SLC24A3: variants seen among roughly 807,000 people sequenced by gnomAD.
SLC24A3 encodes the protein solute carrier family 24 member 3, also known as sodium/potassium/calcium exchanger 3.
A neutral mutation model predicts 75.8 loss-of-function variants in SLC24A3; 28 were observed. The observed-to-expected ratio is 0.37, with a 90% confidence interval of 0.27 to 0.51. SLC24A3 has a LOEUF of 0.51. Ranked by LOEUF, SLC24A3 falls within the 20% of genes least tolerant of loss-of-function variation. The pLI is 0.94. For missense variants in SLC24A3, 663 were observed against 847.8 expected, an observed-to-expected ratio of 0.78 and a Z score of 2.71; for synonymous variants, 372 against 334.1, an observed-to-expected ratio of 1.11 and a Z score of -1.24.
At chr20:19,270,626 T>G (rs760314637) in intron 1 of SLC24A3, among the ~76,000 whole-genome samples, 3 of 152,192 alleles carry the variant, frequency 2.0e-5, no homozygotes, top group Non-Finnish European at 4.4e-5. Flanking sequence ...TCTTGGGATT[T>G]GGTGGATGTA....
chr20:19,592,291 A>T (rs1399337128), intron 6 of SLC24A3, among the ~76,000 whole-genome samples: 2 of 152,108 alleles, frequency 1.3e-5, no homozygotes, highest in Non-Finnish European at 2.9e-5. Flanking sequence ...CCCATTTGTT[A>T]GTCAGGGGTT....
At chr20:19,480,745 G>A (rs1988039730) in intron 2 of SLC24A3, among the ~76,000 whole-genome samples, 1 of 152,124 alleles carries the variant, frequency 6.6e-6, no homozygotes, top group Non-Finnish European at 1.5e-5. Context: ...AAGACCAGTT[G>A]GCTTATCTGA....
intron 1 of SLC24A3, among the ~76,000 whole-genome samples, chr20:19,258,471 T>C (rs6514982): frequency 0.19 from 29,595 of 152,124 alleles, 2,952 homozygotes; most frequent in Middle Eastern, 0.27. Context: ...TTTGGGAGGC[T>C]GAGGTGGGCG....
At chr20:19,234,416 A>C (rs1982108320) in intron 1 of SLC24A3, among the ~76,000 whole-genome samples, 1 of 152,254 alleles carries the variant, frequency 6.6e-6, no homozygotes, top group African/African-American at 2.4e-5. Context: ...GCACGTGGTC[A>C]CACACTCAAG....
chr20:19,291,584 T>C (rs1983942925), intron 2 of SLC24A3, among the ~76,000 whole-genome samples: 1 of 152,228 alleles, frequency 6.6e-6, no homozygotes, highest in South Asian at 2.1e-4. Context: ...AGAGTGTGAC[T>C]CCCATTTCTT....
chr20:19,596,466 T>C (rs2031454688), intron 6 of SLC24A3, among the ~76,000 whole-genome samples: 1 of 152,226 alleles, frequency 6.6e-6, no homozygotes, highest in Non-Finnish European at 1.5e-5. Flanking sequence ...GGAGCTTGTG[T>C]TCAGAAAGTA....
chr20:19,385,271 A>G (rs904892134), intron 2 of SLC24A3, among the ~76,000 whole-genome samples: 1 of 152,226 alleles, frequency 6.6e-6, no homozygotes, highest in Non-Finnish European at 1.5e-5. Context: ...TAGTAGTTTT[A>G]AAACAGTTTC....
intron 2 of SLC24A3, among the ~76,000 whole-genome samples, chr20:19,505,389 G>A (rs879556504): frequency 5.3e-5 from 8 of 152,188 alleles, no homozygotes; most frequent in Non-Finnish European, 1.2e-4. Context: ...ATGTGTTTAA[G>A]TTCTTTTCTG....
chr20:19,447,822 A>AATTTCTGGG (rs1439653152), intron 2 of SLC24A3, among the ~76,000 whole-genome samples: 1 of 152,196 alleles, frequency 6.6e-6, no homozygotes, highest in Non-Finnish European at 1.5e-5. Context: ...GGGACTCCTT[A>AATTTCTGGG]GTGAACTTAA....
chr20:19,467,004 A>C lies in SLC24A3; in HGVS notation c.272-48484A>C, dbSNP rs1460144325. ...ATACAGGCACTAGGTAAGAAAACAA[A>C]TAATCGAGGTAATGACAGTACAGGG... On this transcript the variant is annotated intron_variant, in intron 2 of 16. Coordinates refer to ENST00000328041, the MANE Select transcript of SLC24A3 (RefSeq NM_020689.4). Among the ~76,000 whole-genome samples, 7 of 152,358 alleles carry C rather than the reference A, an allele frequency of 4.6e-5. No individual in the cohort carries two copies. In the East Asian group the frequency reaches 1.3e-3, roughly 29 times the overall value.
At chr20:19,535,325 T>G (rs2030376560) in intron 3 of SLC24A3, among the ~76,000 whole-genome samples, 1 of 152,248 alleles carries the variant, frequency 6.6e-6, no homozygotes, top group Non-Finnish European at 1.5e-5. Context: ...TTTCTCATGT[T>G]TCTGTAGTCA....
intron 12 of SLC24A3, among the ~76,000 whole-genome samples, chr20:19,686,416 C>G (rs2032675954): frequency 6.6e-6 from 1 of 152,198 alleles, no homozygotes; most frequent in Non-Finnish European, 1.5e-5. Flanking sequence ...GCAGGTGGTC[C>G]AAGCCCAAAG....
At chr20:19,265,717 G>C (rs1258406345) in intron 1 of SLC24A3, 2 of 152,622 alleles carry the variant, frequency 1.3e-5, no homozygotes, top group African/African-American at 4.8e-5. Flanking sequence ...CTGTCCTTTG[G>C]TCTGACTGTA....
intron 2 of SLC24A3, among the ~76,000 whole-genome samples, chr20:19,444,403 A>T (rs1380994628): frequency 1.3e-5 from 2 of 152,202 alleles, no homozygotes; most frequent in African/African-American, 4.8e-5. Flanking sequence ...TACAGAATTG[A>T]TGTAATTTCT....
intron 15 of SLC24A3, among the ~76,000 whole-genome samples, chr20:19,715,964 A>G (rs1444319200): frequency 3.3e-5 from 5 of 152,212 alleles, no homozygotes; most frequent in African/African-American, 1.2e-4. Flanking sequence ...GAATGTCAAG[A>G]TCCCTTCCAC....
chr20:19,658,450 T>C (rs1037259488), intron 7 of SLC24A3, among the ~76,000 whole-genome samples: 3 of 152,222 alleles, frequency 2.0e-5, no homozygotes, highest in African/African-American at 4.8e-5. Context: ...GGCGATCCAC[T>C]TCCCTATTCG....
intron 6 of SLC24A3, among the ~76,000 whole-genome samples, chr20:19,606,219 T>C (rs1886924): frequency 0.53 from 80,476 of 152,018 alleles, 22,574 homozygotes; most frequent in Admixed American, 0.62. Context: ...CATGTGAACA[T>C]ACCACTCGCC....
In SLC24A3 at chr20:19,684,172, C is replaced by T. The variant is rs1270657300; in HGVS notation, c.902-4C>T. On this transcript the variant is annotated splice_polypyrimidine_tract_variant and splice_region_variant and intron_variant, in intron 10 of 16. Transcript: ENST00000328041. Reference sequence around the variant, plus strand: ...ATTTTACCTTATGTTTTTCGTTTCCCTAGCAAATTTCCACCGCAAAGCATC... The same window carrying T: ...ATTTTACCTTATGTTTTTCGTTTCCTTAGCAAATTTCCACCGCAAAGCATC... The T allele has an allele frequency of 1.2e-6, 2 of 1,610,748 alleles. No homozygotes were observed. The highest frequency in any genetic ancestry group is 1.7e-6 in the Non-Finnish European group (2 of 1,177,710).
At chr20:19,631,815 T>TGTGTGTGTGC (rs1156489864) in intron 6 of SLC24A3, among the ~76,000 whole-genome samples, 1 of 151,784 alleles carries the variant, frequency 6.6e-6, no homozygotes, top group East Asian at 1.9e-4. Flanking sequence ...TGTGTGTGTG[T>TGTGTGTGTGC]GTGTGTGTAT....
Sources: allele counts gnomAD v4.1 joint callset (sites outside exome capture counted in the v4.1 genomes callset), GRCh38; gene constraint gnomAD v4.1.1; transcripts MANE v1.5; gene names NCBI Gene and HGNC (gene_info 2026-07-23, HGNC 2026-07-21).